TIA1: variants seen among roughly 807,000 people sequenced by gnomAD.
TIA1 encodes the protein cytotoxic granule associated RNA binding protein TIA1.
Under a neutral mutation model 65.9 loss-of-function variants are expected in TIA1, and 23 were observed. That is an observed-to-expected ratio of 0.35 (90% CI 0.25 to 0.49). The LOEUF is 0.49. Ranked by LOEUF, TIA1 falls within the 20% of genes least tolerant of loss-of-function variation. The pLI is 0.98. For synonymous variants in TIA1, 147 were observed against 149.4 expected (o/e 0.98, Z 0.12); for missense variants, 371 against 477.9 (o/e 0.78, Z 2.09).
chr2:70,235,905 C>T (rs995647547), intron 2 of TIA1, among the ~76,000 whole-genome samples, 174 bp downstream of exon 2: 4 of 152,066 alleles, frequency 2.6e-5, no homozygotes, highest in African/African-American at 9.7e-5. Context: ...TACAAATTCA[C>T]TAAAATCCCT....
At chr2:70,237,904 G>A (rs913792248) in intron 1 of TIA1, among the ~76,000 whole-genome samples, 2 of 151,914 alleles carry the variant, frequency 1.3e-5, no homozygotes, top group African/African-American at 4.8e-5. Context: ...GCTCATGCCT[G>A]TAATCCCAGC....
intron 8 of TIA1, 23 bp from the exon 9 acceptor site, chr2:70,216,522 T>C: frequency 6.3e-7 from 1 of 1,590,842 alleles, no homozygotes; most frequent in Non-Finnish European, 8.6e-7. Context: ...AAGGTTTATG[T>C]CTTTAATTCA....
At chr2:70,229,213 ACT>A in intron 4 of TIA1, 49 bp downstream of exon 4, 1 of 1,606,486 alleles carries the variant, frequency 6.2e-7, no homozygotes, top group Non-Finnish European at 8.5e-7. Flanking sequence ...TTACAATAAA[ACT>A]ACTGGGTACA....
chr2:70,223,514 T>C (rs1682444351), intron 7 of TIA1, among the ~76,000 whole-genome samples: 1 of 152,048 alleles, frequency 6.6e-6, no homozygotes, highest in South Asian at 2.1e-4. Flanking sequence ...TTTGGCCTCC[T>C]GGATTTAAGT....
intron 1 of TIA1, among the ~76,000 whole-genome samples, chr2:70,246,204 G>A (rs192704319): frequency 2.0e-5 from 3 of 152,252 alleles, no homozygotes; most frequent in African/African-American, 7.2e-5. Flanking sequence ...GATTATAGGC[G>A]TGAGCCACTG....
At chr2:70,220,047 C>T (rs1043931665) in intron 7 of TIA1, among the ~76,000 whole-genome samples, 7 of 151,942 alleles carry the variant, frequency 4.6e-5, no homozygotes, top group African/African-American at 1.5e-4. Context: ...GGGTCTTTGC[C>T]GAAGTAATTA....
intron 1 of TIA1, among the ~76,000 whole-genome samples, chr2:70,243,636 G>C (rs1414366847): frequency 6.6e-6 from 1 of 152,130 alleles, no homozygotes; most frequent in Admixed American, 6.5e-5. Flanking sequence ...TACTATGCCT[G>C]TAGACATCTT....
chr2:70,236,202 CTT>C (rs762400931), intron 1 of TIA1, 27 bp from the exon 2 acceptor site: 4,592 of 1,148,724 alleles, frequency 4.0e-3, no homozygotes, highest in South Asian at 5.0e-3. Context: ...AACAATTTAC[CTT>C]TTTTTTTTTT....
At chr2:70,225,313 A>G (rs1280956771) in intron 6 of TIA1, 3 of 1,266,640 alleles carry the variant, frequency 2.4e-6, no homozygotes, top group Non-Finnish European at 3.1e-6. Context: ...TCAGAAAGTA[A>G]AAAAGCACGC....
intron 6 of TIA1, among the ~76,000 whole-genome samples, chr2:70,225,820 C>T (rs1331273998): frequency 1.3e-5 from 2 of 152,098 alleles, no homozygotes; most frequent in Non-Finnish European, 1.5e-5. Flanking sequence ...ATTTGTTAGT[C>T]TACCCTAAAC....
chr2:70,246,354 C>T lies in TIA1; in HGVS notation c.26+2051G>A, dbSNP rs1694300325. Among the ~76,000 whole-genome samples the T allele has an allele frequency of 2.6e-5, 4 of 152,248 alleles. No individual in the cohort carries two copies. The South Asian group carries it at 8.3e-4, about 32-fold the overall frequency. On this transcript the variant is annotated intron_variant, in intron 1 of 12. Transcript: ENST00000433529. Reference sequence around the variant, plus strand: ...AACATATATTAAAAGCCTCTGACTTCCAGGGTCATTAAAGCAAAAATCTTA... The same window carrying T: ...AACATATATTAAAAGCCTCTGACTTTCAGGGTCATTAAAGCAAAAATCTTA...
At chr2:70,228,852 C>G in intron 5 of TIA1, 4 of 1,425,616 alleles carry the variant, frequency 2.8e-6, no homozygotes, top group Non-Finnish European at 2.7e-6. Context: ...TGCTACCAAA[C>G]GGGTCAGAAA....
intron 12 of TIA1, among the ~76,000 whole-genome samples, chr2:70,213,051 T>C (rs988415613): frequency 6.6e-6 from 1 of 152,218 alleles, no homozygotes; most frequent in African/African-American, 2.4e-5. Context: ...TATGTTTAAT[T>C]TGGACAGTTT....
At chr2:70,243,156 C>A (rs947349829) in intron 1 of TIA1, among the ~76,000 whole-genome samples, 1 of 152,190 alleles carries the variant, frequency 6.6e-6, no homozygotes, top group African/African-American at 2.4e-5. Flanking sequence ...ACACCAGGCA[C>A]GGTGGCTCAC....
intron 1 of TIA1, among the ~76,000 whole-genome samples, chr2:70,243,757 C>T (rs1032302539): frequency 2.0e-5 from 3 of 152,262 alleles, no homozygotes; most frequent in South Asian, 2.1e-4. Context: ...TTATTGTTGA[C>T]ATCATTCTCA....
In TIA1 at chr2:70,210,545, A is replaced by G. The variant is rs1558722882; in HGVS notation, c.*2174T>C. The G allele has an allele frequency of 6.6e-6, 1 of 152,228 alleles. No individual in the cohort carries two copies. The highest frequency in any genetic ancestry group is 1.5e-5 in the Non-Finnish European group (1 of 68,028). 9.4% of individuals were successfully genotyped at this position (152,228 alleles called of 1,614,324 possible). ...TCAATGTACATTTTAAGATTTGTGCAATAAGCCAATATGCTGGATAATAAA... is the reference window on the plus strand; with the variant it reads ...TCAATGTACATTTTAAGATTTGTGCGATAAGCCAATATGCTGGATAATAAA... On this transcript the variant is annotated 3_prime_UTR_variant, in exon 13 of 13. Transcript: ENST00000433529.
intron 7 of TIA1, among the ~76,000 whole-genome samples, chr2:70,221,937 G>A (rs998854559): frequency 6.6e-6 from 1 of 151,992 alleles, no homozygotes; most frequent in Non-Finnish European, 1.5e-5. Context: ...ACAGGTGTGT[G>A]CCACCATGCC....
upstream of TIA1, chr2:70,248,663 C>T (rs1426935726): frequency 1.7e-6 from 1 of 601,128 alleles, no homozygotes; most frequent in South Asian, 2.1e-5. Context: ...GCAAAGTTAC[C>T]CGGGCCGCGC....
intron 1 of TIA1, 81 bp from the exon 2 acceptor site, chr2:70,236,256 T>TG: frequency 1.1e-6 from 1 of 880,524 alleles, no homozygotes; most frequent in South Asian, 1.5e-5. Context: ...TAGAGTGCAA[T>TG]GGCACGATCT....
Sources: allele counts gnomAD v4.1 joint callset (sites outside exome capture counted in the v4.1 genomes callset), GRCh38; gene constraint gnomAD v4.1.1; transcripts MANE v1.5; gene names NCBI Gene and HGNC (gene_info 2026-07-23, HGNC 2026-07-21).